CCDC83: variants seen among roughly 807,000 people sequenced by gnomAD.
CCDC83 encodes the protein coiled-coil domain containing 83.
CCDC83 carries 54 observed loss-of-function variants against 50.1 expected under a neutral mutation model. The ratio of observed to expected loss-of-function variants is 1.08; its 90% CI spans 0.87 to 1.35. The LOEUF (loss-of-function observed/expected upper bound fraction) is 1.35. Ranked by LOEUF, CCDC83 falls within the 40% of genes most tolerant of loss-of-function variation. The probability of loss-of-function intolerance (pLI) is 0.00; values close to 1 mark genes in which losing one functional copy is unlikely to be tolerated. For synonymous variants in CCDC83, 161 were observed against 153.3 expected (o/e 1.05, Z -0.37); for missense variants, 518 against 473.9 (o/e 1.09, Z -0.86).
chr11:85,915,132 T>C (rs2093471801), intron 8 of CCDC83, among the ~76,000 whole-genome samples: 1 of 152,088 alleles, frequency 6.6e-6, no homozygotes, highest in South Asian at 2.1e-4. Context: ...TAAGATCAGG[T>C]TTCATCCAGG....
At chr11:85,865,873 G>T (rs2093203787) in intron 2 of CCDC83, among the ~76,000 whole-genome samples, 1 of 149,104 alleles carries the variant, frequency 6.7e-6, no homozygotes, top group South Asian at 2.1e-4. Context: ...GGGCAACAGA[G>T]CAAGATTCCA....
At chr11:85,864,221 T>C (rs1477810211) in intron 1 of CCDC83, among the ~76,000 whole-genome samples, 2 of 152,200 alleles carry the variant, frequency 1.3e-5, no homozygotes, top group East Asian at 3.8e-4. Flanking sequence ...CTCATGAGAG[T>C]TTCCAGCCAC....
chr11:85,859,929 C>G (rs2093165553), intron 1 of CCDC83, among the ~76,000 whole-genome samples: 1 of 152,104 alleles, frequency 6.6e-6, no homozygotes, highest in Admixed American at 6.6e-5. Flanking sequence ...CAACAAAGGT[C>G]TAATATCCAG....
chr11:85,886,693 G>A (rs551374427), intron 5 of CCDC83, among the ~76,000 whole-genome samples: 18 of 152,260 alleles, frequency 1.2e-4, no homozygotes, highest in African/African-American at 3.6e-4. Flanking sequence ...CTGGAGGATC[G>A]CTTGAGCCAA....
intron 3 of CCDC83, among the ~76,000 whole-genome samples, chr11:85,879,357 T>A (rs948936764): frequency 6.6e-6 from 1 of 152,152 alleles, no homozygotes; most frequent in Admixed American, 6.5e-5. Context: ...TACCTGCAGA[T>A]GTCCAGTTGC....
chr11:85,872,979 C>T (rs1439889246), intron 2 of CCDC83, among the ~76,000 whole-genome samples: 1 of 149,722 alleles, frequency 6.7e-6, no homozygotes, highest in East Asian at 1.9e-4. Flanking sequence ...GACTATAAAA[C>T]ATGAACAGGG....
At chr11:85,900,203 T>C (rs2135098180) in intron 7 of CCDC83, among the ~76,000 whole-genome samples, 1 of 152,328 alleles carries the variant, frequency 6.6e-6, no homozygotes, top group Admixed American at 6.5e-5. Context: ...GGTTACTTGA[T>C]GATCTGAATA....
intron 2 of CCDC83, among the ~76,000 whole-genome samples, chr11:85,871,370 A>G (rs138264662): frequency 6.6e-6 from 1 of 152,328 alleles, no homozygotes; most frequent in East Asian, 1.9e-4. Flanking sequence ...ATATCCTTAG[A>G]GAACTGGAAA....
At chr11:85,891,080 T>A (rs906308909) in intron 5 of CCDC83, among the ~76,000 whole-genome samples, 1 of 152,148 alleles carries the variant, frequency 6.6e-6, no homozygotes, top group African/African-American at 2.4e-5. Context: ...CACATTTCTC[T>A]CCCCTGATCT....
Position 85,886,370 on chromosome 11 carries a change from C to A in CCDC83, c.511+3C>A. 2 of 1,575,092 alleles carry A rather than the reference C, an allele frequency of 1.3e-6. No individual in the cohort carries two copies. Among genetic ancestry groups the A allele is most frequent in the South Asian group, 2.4e-5 (2 of 83,734 alleles). On this transcript the variant is annotated splice_donor_region_variant and intron_variant, in intron 5 of 10. Coordinates refer to ENST00000342404, the MANE Select transcript of CCDC83 (RefSeq NM_001286159.2). ...AGAGAATGCAGAGAAAATGTCAGGT[C>A]AGTTGCAACAAAACTAGTTCAAGTT...
chr11:85,872,467 A>AG (rs2093244277), intron 2 of CCDC83, among the ~76,000 whole-genome samples: 1 of 152,232 alleles, frequency 6.6e-6, no homozygotes, highest in East Asian at 1.9e-4. Flanking sequence ...CCTGGGCGAC[A>AG]GAGCGAGATT....
At chr11:85,917,166 G>GAGAAAGAAAGAAAGAAAGAAAGAA (rs1554986880) in intron 10 of CCDC83, among the ~76,000 whole-genome samples, 17 of 62,446 alleles carry the variant, frequency 2.7e-4, no homozygotes, top group South Asian at 9.9e-4. Context: ...GAGAGAGAGA[G>GAGAAAGAAAGAAAGAAAGAAAGAA]AGAAAGAAAG....
chr11:85,855,545 T>G lies in CCDC83; in HGVS notation c.-68T>G, dbSNP rs1422289449. 4 of 152,394 alleles carry G rather than the reference T, an allele frequency of 2.6e-5. No homozygotes were observed. Among genetic ancestry groups the G allele is most frequent in the Non-Finnish European group, 5.9e-5 (4 of 68,180 alleles). The allele number at this position is 152,394 out of a possible 1,614,324, so 9.4% of individuals were successfully genotyped here. ...CTTGCGGTAGAACCCCTGGATACAT[T>G]ATTTGCCCTCTCGAAAGGCAGGCTC... On this transcript the variant is annotated 5_prime_UTR_variant, in exon 1 of 11. It adds an upstream start codon to the 5' untranslated region. Transcript: ENST00000342404.
intron 4 of CCDC83, among the ~76,000 whole-genome samples, chr11:85,885,724 T>G (rs2093323724): frequency 6.6e-6 from 1 of 152,208 alleles, no homozygotes; most frequent in Non-Finnish European, 1.5e-5. Flanking sequence ...ATAAATGAAC[T>G]TTAGATGACT....
At chr11:85,878,146 TTATAAAAATGA>T (rs1304663243) in intron 3 of CCDC83, among the ~76,000 whole-genome samples, 22 of 152,322 alleles carry the variant, frequency 1.4e-4, no homozygotes, top group African/African-American at 4.6e-4. Context: ...TAACTTATAG[TTATAAAAATGA>T]TATAAAAATG....
At chr11:85,878,148 A>T in intron 3 of CCDC83, among the ~76,000 whole-genome samples, 1 of 152,298 alleles carries the variant, frequency 6.6e-6, no homozygotes, top group South Asian at 2.1e-4. Flanking sequence ...ACTTATAGTT[A>T]TAAAAATGAT....
intron 10 of CCDC83, among the ~76,000 whole-genome samples, chr11:85,917,231 A>G (rs1404604839): frequency 1.5e-5 from 2 of 134,194 alleles, no homozygotes; most frequent in Admixed American, 1.5e-4. Flanking sequence ...AGAAAGAAAG[A>G]AAAGAAAGAA....
At chr11:85,887,062 G>T (rs1171332320) in intron 5 of CCDC83, among the ~76,000 whole-genome samples, 1 of 152,186 alleles carries the variant, frequency 6.6e-6, no homozygotes, top group African/African-American at 2.4e-5. Flanking sequence ...GCTTAGCCAG[G>T]CTGGATAGCC....
intron 7 of CCDC83, among the ~76,000 whole-genome samples, chr11:85,905,487 G>C (rs967461963): frequency 2.0e-5 from 3 of 150,720 alleles, no homozygotes; most frequent in Non-Finnish European, 4.4e-5. Context: ...GCATGCATCT[G>C]TAATCCCAGC....
Sources: allele counts gnomAD v4.1 joint callset (sites outside exome capture counted in the v4.1 genomes callset), GRCh38; gene constraint gnomAD v4.1.1; transcripts MANE v1.5; gene names NCBI Gene and HGNC (gene_info 2026-07-23, HGNC 2026-07-21).